Variants in STK4 observed in about 807,000 individuals in gnomAD.
STK4 encodes the protein serine/threonine kinase 4.
In STK4, 30 loss-of-function variants were observed where a neutral mutation model predicts 64.9. The observed-to-expected ratio is 0.46, with a 90% CI of 0.35 to 0.63. The LOEUF is 0.63. Among genes scored for constraint, STK4 ranks in the 20% least tolerant of loss-of-function variants. STK4 has a pLI of 0.01. For missense variants in STK4, 466 were observed against 598.5 expected (o/e 0.78, Z 2.31); for synonymous variants, 177 against 199.0 (o/e 0.89, Z 0.93).
intron 9 of STK4, among the ~76,000 whole-genome samples, chr20:45,016,334 A>AC (rs2068142472): frequency 1.3e-5 from 2 of 152,008 alleles, no homozygotes; most frequent in Admixed American, 6.6e-5. Flanking sequence ...TACCGACTGG[A>AC]TTTTTTTTCC....
At chr20:44,982,831 G>A (rs557741199) in intron 4 of STK4, among the ~76,000 whole-genome samples, 2 of 149,242 alleles carry the variant, frequency 1.3e-5, no homozygotes, top group Admixed American at 1.3e-4. Flanking sequence ...AGTGTACTTC[G>A]GAATAGGGCA....
At position 45,077,577 on chromosome 20, in the gene STK4, G is replaced by A. The variant is rs1980614035; in HGVS notation, c.*2401G>A. 1 of 152,140 alleles carries A rather than the reference G, an allele frequency of 6.6e-6. No individual in the cohort carries two copies. Among genetic ancestry groups the A allele is most frequent in the African/African-American group, 2.4e-5 (1 of 41,398 alleles). 9.4% of individuals were successfully genotyped at this position (152,140 alleles called of 1,614,324 possible). A position where few individuals can be genotyped will look rare whatever the true frequency, so the allele number is the denominator to read the frequency against. On this transcript the variant is annotated 3_prime_UTR_variant, in exon 11 of 11. Coordinates refer to ENST00000372806, the MANE Select transcript of STK4 (RefSeq NM_006282.5). ...TTTTTTTGTATTTGTAGTAGAGACG[G>A]GGTTTCACCATGTCAGTCAGGCTGG... is the stretch of plus-strand genomic sequence containing the variant.
chr20:45,072,062 G>T (rs956239686), intron 10 of STK4, among the ~76,000 whole-genome samples: 1 of 152,118 alleles, frequency 6.6e-6, no homozygotes, highest in Non-Finnish European at 1.5e-5. Context: ...CATGCCCAGC[G>T]TGAATACCTT....
intron 10 of STK4, among the ~76,000 whole-genome samples, chr20:45,072,885 A>C (rs952390063): frequency 2.0e-5 from 3 of 152,246 alleles, no homozygotes; most frequent in African/African-American, 7.2e-5. Context: ...CATTTGTGGA[A>C]TATTTACTAT....
intron 3 of STK4, 133 bp from the exon 4 acceptor site, chr20:44,981,696 G>T: frequency 1.9e-6 from 1 of 533,196 alleles, no homozygotes; most frequent in Non-Finnish European, 3.3e-6. Flanking sequence ...TTATCAGGAG[G>T]TTGTCCATTT....
At chr20:44,969,865 T>C (rs781123772) in intron 1 of STK4, among the ~76,000 whole-genome samples, 23 of 152,348 alleles carry the variant, frequency 1.5e-4, no homozygotes, top group Non-Finnish European at 2.6e-4. Flanking sequence ...AAAATATTTT[T>C]ATAGAAATGT....
At chr20:45,058,534 A>G (rs1978698596) in intron 10 of STK4, among the ~76,000 whole-genome samples, 1 of 152,206 alleles carries the variant, frequency 6.6e-6, no homozygotes, top group African/African-American at 2.4e-5. Context: ...TTAAGACTGC[A>G]TCTATTAAAT....
At position 45,075,563 on chromosome 20, in the gene STK4, T is replaced by A. The variant is rs1454738669; in HGVS notation, c.*387T>A. 6.5e-6 allele frequency: 1 copy of A among 153,512 alleles called. No individual in the cohort carries two copies. The highest frequency in any genetic ancestry group is 1.5e-5 in the Non-Finnish European group (1 of 68,940). 9.5% of individuals were successfully genotyped at this position (153,512 alleles called of 1,614,324 possible). ...TAAATATGCATATATATATATAAAT[T>A]ATAAATAGATTCCCCACGCAGTGTG... is the stretch of plus-strand genomic sequence containing the variant. On this transcript the variant is annotated 3_prime_UTR_variant, in exon 11 of 11. Coordinates refer to ENST00000372806, the MANE Select transcript of STK4 (RefSeq NM_006282.5).
At chr20:45,016,289 G>A (rs1444628169) in intron 9 of STK4, among the ~76,000 whole-genome samples, 2 of 152,200 alleles carry the variant, frequency 1.3e-5, no homozygotes, top group African/African-American at 2.4e-5. Flanking sequence ...CTTTTGTAAA[G>A]TTTCAGCCTC....
At chr20:44,982,948 G>A (rs1044489767) in intron 4 of STK4, among the ~76,000 whole-genome samples, 6 of 152,008 alleles carry the variant, frequency 3.9e-5, no homozygotes, top group African/African-American at 1.5e-4. Context: ...GGAGACTGGT[G>A]GGCTATTTTA....
intron 9 of STK4, among the ~76,000 whole-genome samples, chr20:45,013,734 G>A (rs2068093515): frequency 6.6e-6 from 1 of 152,064 alleles, no homozygotes; most frequent in Non-Finnish European, 1.5e-5. Context: ...GCAGGAATCT[G>A]TAATTAGCAA....
At chr20:44,994,992 GTT>G (rs367974350) in intron 5 of STK4, 96 bp from the exon 6 acceptor site, 113 of 780,650 alleles carry the variant, frequency 1.4e-4, no homozygotes, top group Middle Eastern at 3.6e-4. Flanking sequence ...TTTCTCAGTA[GTT>G]TTTTTTTTTT....
chr20:45,007,603 C>T (rs1406437816), intron 9 of STK4, among the ~76,000 whole-genome samples: 2 of 152,074 alleles, frequency 1.3e-5, no homozygotes, highest in Non-Finnish European at 2.9e-5. Flanking sequence ...CTCTTCATTC[C>T]ACAGAGCTTC....
At position 45,075,569 on chromosome 20, in the gene STK4, T is replaced by C. The variant is rs1249989540; in HGVS notation, c.*393T>C. 2 of 153,720 alleles carry C rather than the reference T, an allele frequency of 1.3e-5. No homozygotes were observed. Among genetic ancestry groups the C allele is most frequent in the Non-Finnish European group, 2.9e-5 (2 of 68,850 alleles). The allele number at this position is 153,720 out of a possible 1,614,324, so 9.5% of individuals were successfully genotyped here. A position where few individuals can be genotyped will look rare whatever the true frequency, so the allele number is the denominator to read the frequency against. The stretch of plus-strand genomic sequence containing the variant: ...TGCATATATATATATAAATTATAAA[T>C]AGATTCCCCACGCAGTGTGGTGGCA... On this transcript the variant is annotated 3_prime_UTR_variant, in exon 11 of 11. Coordinates refer to ENST00000372806, the MANE Select transcript of STK4 (RefSeq NM_006282.5).
chr20:45,073,570 G>T (rs1009852379), intron 10 of STK4, among the ~76,000 whole-genome samples: 7 of 152,096 alleles, frequency 4.6e-5, no homozygotes, highest in African/African-American at 1.7e-4. Flanking sequence ...TCTAAATGTG[G>T]GCACAACAGA....
At chr20:45,037,782 G>A (rs781554689) in intron 10 of STK4, among the ~76,000 whole-genome samples, 1 of 152,086 alleles carries the variant, frequency 6.6e-6, no homozygotes, top group Non-Finnish European at 1.5e-5. Context: ...TTACTGAATT[G>A]TCAGAACATA....
At chr20:45,074,155 A>G (rs1980315334) in intron 10 of STK4, among the ~76,000 whole-genome samples, 1 of 152,184 alleles carries the variant, frequency 6.6e-6, no homozygotes, top group Non-Finnish European at 1.5e-5. Context: ...GACATTGGGC[A>G]GGTTACTTAG....
rs184176511 is a variant in STK4 at position 45,014,701 on chromosome 20, A to G, written c.1148-10272A>G. Among the ~76,000 whole-genome samples the G allele has an allele frequency of 2.0e-3, 311 of 152,240 alleles. 2 individuals are homozygous for G. The highest frequency in any genetic ancestry group is 6.8e-3 in the Middle Eastern group (2 of 294). On this transcript the variant is annotated intron_variant, in intron 9 of 10. Coordinates refer to ENST00000372806, the MANE Select transcript of STK4 (RefSeq NM_006282.5). ...TTGCAGTAACATGTACTCATCCACTAAAGATTTGACATGCGGCGGTTCTTC... is the reference window on the plus strand; with the variant it reads ...TTGCAGTAACATGTACTCATCCACTGAAGATTTGACATGCGGCGGTTCTTC...
chr20:45,032,586 T>C (rs74387522), intron 10 of STK4, among the ~76,000 whole-genome samples: 1 of 152,226 alleles, frequency 6.6e-6, no homozygotes, highest in Non-Finnish European at 1.5e-5. Context: ...TCCATGTTGC[T>C]GCAAAGGATG....
Sources: gnomAD v4.1 joint callset for allele counts (sites outside exome capture counted in the v4.1 genomes callset) on GRCh38, gnomAD v4.1.1 for gene constraint, MANE v1.5 for transcripts, NCBI Gene and HGNC (gene_info 2026-07-23, HGNC 2026-07-21) for gene names.